Variants in GABRG3 observed in about 807,000 individuals in gnomAD.
The protein encoded by GABRG3 is gamma-aminobutyric acid receptor subunit gamma-3.
GABRG3 carries 25 observed loss-of-function variants against 48.8 expected under a neutral mutation model. The observed-to-expected ratio is 0.51, with a 90% CI of 0.37 to 0.72. The LOEUF is 0.72. Among genes scored for constraint, GABRG3 ranks in the 30% least tolerant of loss-of-function variants. The pLI, the probability that GABRG3 is intolerant of heterozygous loss-of-function variation, is 0.00. For synonymous variants in GABRG3, 227 were observed against 217.6 expected (o/e 1.04, Z -0.38); for missense variants, 394 against 577.9 (o/e 0.68, Z 3.26).
Position 27,128,737 on chromosome 15 carries a change from C to T in GABRG3, c.270+101916C>T, listed in dbSNP as rs573880078. On this transcript the variant is annotated intron_variant, in intron 3 of 9. Coordinates refer to ENST00000615808, the MANE Select transcript of GABRG3 (RefSeq NM_033223.5). ...GAGTCCAGAACTGAAATGACTTATT[C>T]GCAGAGCCCTCTGGCTCTAGACAAG... 6.1e-4 allele frequency among the ~76,000 whole-genome samples: 93 copies of T among 152,302 alleles called. 2 individuals are homozygous for T. The highest frequency in any genetic ancestry group is 5.8e-3 in the East Asian group (30 of 5,176).
At chr15:27,316,592 G>A (rs1350428149) in intron 3 of GABRG3, among the ~76,000 whole-genome samples, 1 of 152,144 alleles carries the variant, frequency 6.6e-6, no homozygotes, top group Non-Finnish European at 1.5e-5. Flanking sequence ...ATGATTTAAA[G>A]TGTTTAAGAT....
chr15:26,993,704 T>G, intron 2 of GABRG3, among the ~76,000 whole-genome samples: 1 of 152,062 alleles, frequency 6.6e-6, no homozygotes, highest in East Asian at 1.9e-4. Flanking sequence ...TCTGTGAATA[T>G]CTATCAGGTC....
At chr15:27,266,226 A>G (rs1160943642) in intron 3 of GABRG3, among the ~76,000 whole-genome samples, 4 of 151,878 alleles carry the variant, frequency 2.6e-5, no homozygotes, top group Non-Finnish European at 5.9e-5. Flanking sequence ...TTACATTTAC[A>G]TCAATCATTC....
chr15:27,498,304 C>T (rs538824588), intron 6 of GABRG3, among the ~76,000 whole-genome samples: 28 of 152,186 alleles, frequency 1.8e-4, no homozygotes, highest in Admixed American at 3.9e-4. Flanking sequence ...AGTCTGGCTT[C>T]TCGGGAGAAG....
At chr15:27,261,687 C>A (rs534450153) in intron 3 of GABRG3, among the ~76,000 whole-genome samples, 9 of 151,910 alleles carry the variant, frequency 5.9e-5, no homozygotes, top group Non-Finnish European at 1.0e-4. Context: ...TAAAAACTAT[C>A]CCTTTCCTTT....
At chr15:27,073,065 G>C (rs1477556938) in intron 3 of GABRG3, among the ~76,000 whole-genome samples, 1 of 152,224 alleles carries the variant, frequency 6.6e-6, no homozygotes. Context: ...CCGGATACCT[G>C]AGCAGTCTGT....
At chr15:27,441,766 C>A (rs1490089071) in intron 5 of GABRG3, among the ~76,000 whole-genome samples, 1 of 152,146 alleles carries the variant, frequency 6.6e-6, no homozygotes, top group East Asian at 1.9e-4. Flanking sequence ...TGGGGAGAAG[C>A]AGGCATGCCC....
rs970239737 is a variant in GABRG3 at position 27,535,323 on chromosome 15, A to C, written c.*2442A>C. ...ACTTTTTATAACATGGATTTGTTTG[A>C]TTTTACCTTAAAAGAATTTTACTGA... is the stretch of plus-strand genomic sequence containing the variant. On this transcript the variant is annotated 3_prime_UTR_variant, in exon 10 of 10. Coordinates refer to ENST00000615808, the MANE Select transcript of GABRG3 (RefSeq NM_033223.5). 6.6e-6 allele frequency: 1 copy of C among 152,188 alleles called. No individual in the cohort carries two copies. Among genetic ancestry groups the C allele is most frequent in the African/African-American group, 2.4e-5 (1 of 41,440 alleles). The allele number at this position is 152,188 out of a possible 1,614,324, so 9.4% of individuals were successfully genotyped here.
chr15:27,518,006 A>G (rs2150861263), intron 6 of GABRG3, among the ~76,000 whole-genome samples: 1 of 152,188 alleles, frequency 6.6e-6, no homozygotes, highest in South Asian at 2.1e-4. Context: ...TATTGGGAGC[A>G]TAGTTTTCAT....
intron 5 of GABRG3, among the ~76,000 whole-genome samples, chr15:27,376,862 T>C (rs1895614790): frequency 6.6e-6 from 1 of 152,218 alleles, no homozygotes; most frequent in Non-Finnish European, 1.5e-5. Flanking sequence ...CTTATGCAAA[T>C]TTCTGCCACT....
At chr15:27,229,077 C>T (rs1889713970) in intron 3 of GABRG3, among the ~76,000 whole-genome samples, 1 of 152,270 alleles carries the variant, frequency 6.6e-6, no homozygotes, top group African/African-American at 2.4e-5. Flanking sequence ...AATTAGATCC[C>T]ACTTGTCAAT....
chr15:27,477,553 C>G (rs565492433), intron 5 of GABRG3, among the ~76,000 whole-genome samples: 1 of 152,192 alleles, frequency 6.6e-6, no homozygotes, highest in South Asian at 2.1e-4. Context: ...CAAAAGGAAA[C>G]CCTAAGGTAA....
intron 3 of GABRG3, among the ~76,000 whole-genome samples, chr15:27,291,550 G>A (rs1891794190): frequency 6.6e-6 from 1 of 152,182 alleles, no homozygotes. Context: ...TTTTAAAACA[G>A]TAGTTTCTAT....
chr15:26,986,396 G>T (rs1376385743), intron 2 of GABRG3, among the ~76,000 whole-genome samples: 1 of 152,130 alleles, frequency 6.6e-6, no homozygotes, highest in Non-Finnish European at 1.5e-5. Context: ...TCATCTCCAG[G>T]AGAGACTAAG....
intron 6 of GABRG3, among the ~76,000 whole-genome samples, chr15:27,510,093 G>A (rs1890860523): frequency 6.6e-6 from 1 of 152,174 alleles, no homozygotes; most frequent in African/African-American, 2.4e-5. Context: ...CTGTGGCTCA[G>A]TTTTGACTCT....
rs1454655579 is a variant in GABRG3, at chr15:27,352,685, A to G, written c.574+23797A>G. ...GCCACATACCAAACCGTTGGGTGAT[A>G]TCGGTCTTGGTTATTGGTCCCTAGG... On this transcript the variant is annotated intron_variant, in intron 5 of 9. Coordinates refer to ENST00000615808, the MANE Select transcript of GABRG3 (RefSeq NM_033223.5). This position sits in a 1 kb window ranked among gnomAD's most constrained non-coding sequence, Gnocchi z 4.0. Among the ~76,000 whole-genome samples the G allele has an allele frequency of 6.6e-6, 1 of 152,138 alleles. No homozygotes were observed. Among genetic ancestry groups the G allele is most frequent in the Non-Finnish European group, 1.5e-5 (1 of 68,026 alleles).
chr15:26,984,135 T>C (rs1479430709), intron 2 of GABRG3, among the ~76,000 whole-genome samples: 3 of 152,160 alleles, frequency 2.0e-5, no homozygotes, highest in African/African-American at 7.2e-5. Context: ...TGAAGGCCTG[T>C]CTTGAGGATA....
rs149550065 is a variant in GABRG3, at chr15:27,036,378, G to A, written c.270+9557G>A. ...AAGCCTATGCAAGGTAGTAAGCAGGGAAATTGTGTAACGTGTTTCACTTTC... is the reference window on the plus strand; with the variant it reads ...AAGCCTATGCAAGGTAGTAAGCAGGAAAATTGTGTAACGTGTTTCACTTTC... On this transcript the variant is annotated intron_variant, in intron 3 of 9. Coordinates refer to ENST00000615808, the MANE Select transcript of GABRG3 (RefSeq NM_033223.5). 7.1e-3 allele frequency among the ~76,000 whole-genome samples: 1,079 copies of A among 152,256 alleles called. 6 individuals are homozygous for A. The highest frequency in any genetic ancestry group is 0.014 in the Middle Eastern group (4 of 294).
chr15:27,226,534 T>C (rs1216016025), intron 3 of GABRG3, among the ~76,000 whole-genome samples: 1 of 152,174 alleles, frequency 6.6e-6, no homozygotes, highest in African/African-American at 2.4e-5. Flanking sequence ...AGGAGAACCC[T>C]GCACAGCTCC....
Sources: gnomAD v4.1 joint callset for allele counts (sites outside exome capture counted in the v4.1 genomes callset) on GRCh38, gnomAD v4.1.1 for gene constraint, Gnocchi (gnomAD v3.1) non-coding constraint, MANE v1.5 for transcripts, NCBI Gene and HGNC (gene_info 2026-07-23, HGNC 2026-07-21) for gene names.